VTA1: variants seen among roughly 807,000 people sequenced by gnomAD.
VTA1 encodes vesicle trafficking 1.
In VTA1, 24 loss-of-function variants were observed where a neutral mutation model predicts 36.9. The observed-to-expected ratio is 0.65, with a 90% CI of 0.47 to 0.91. The LOEUF (loss-of-function observed/expected upper bound fraction) is 0.91. Ranked by LOEUF, VTA1 falls within the 40% of genes least tolerant of loss-of-function variation. VTA1 has a pLI of 0.00. For synonymous variants in VTA1, 142 were observed against 130.2 expected (o/e 1.09, Z -0.62); for missense variants, 393 against 377.2 (o/e 1.04, Z -0.35).
At chr6:142,177,318 A>G (rs1302461282) in intron 4 of VTA1, among the ~76,000 whole-genome samples, 1 of 152,202 alleles carries the variant, frequency 6.6e-6, no homozygotes, top group East Asian at 1.9e-4. Flanking sequence ...GGGCCTCCAA[A>G]TTCTGTCACT....
chr6:142,206,042 A>C (rs1305531334), intron 7 of VTA1, among the ~76,000 whole-genome samples: 3 of 152,208 alleles, frequency 2.0e-5, no homozygotes, highest in African/African-American at 7.2e-5. Context: ...TTTTAACATC[A>C]TACTGAAAAT....
intron 4 of VTA1, among the ~76,000 whole-genome samples, chr6:142,173,459 CG>C (rs1189251944): frequency 6.6e-6 from 1 of 152,100 alleles, no homozygotes; most frequent in African/African-American, 2.4e-5. Flanking sequence ...TTAGTAGAGA[CG>C]GGGTTTCACT....
intron 5 of VTA1, among the ~76,000 whole-genome samples, chr6:142,189,788 G>A (rs986317832): frequency 7.9e-5 from 12 of 151,166 alleles, no homozygotes; most frequent in African/African-American, 2.7e-4. Context: ...ACATAGTCTC[G>A]CTCTGTCGCC....
In VTA1 at chr6:142,164,772, A is replaced by G. The variant is rs554477235; in HGVS notation, c.113-1456A>G. ...ATGGAAACTTAATATATTATAATGA[A>G]TGATAAAAATGACATTTAAATCAGT... is the stretch of plus-strand genomic sequence containing the variant. On this transcript the variant is annotated intron_variant, in intron 1 of 7. Coordinates refer to ENST00000367630, the MANE Select transcript of VTA1 (RefSeq NM_016485.5). Among the ~76,000 whole-genome samples, 3 of 152,306 alleles carry G rather than the reference A, an allele frequency of 2.0e-5. No homozygotes were observed. In the South Asian group the frequency reaches 6.2e-4, roughly 32 times the overall value.
In VTA1 at chr6:142,147,271, G is replaced by T. The variant is rs1395813253; in HGVS notation, c.-17G>T. On this transcript the variant is annotated 5_prime_UTR_variant, in exon 1 of 8. Transcript: ENST00000367630. ...GCCGGTGGAGCGCGAGTAGGAAGTG[G>T]TGAGTTCGGAGTAGAGATGGCCGCG... 6 of 1,613,916 alleles carry T rather than the reference G, an allele frequency of 3.7e-6. No homozygotes were observed. Among genetic ancestry groups the T allele is most frequent in the Admixed American group, 1.7e-5 (1 of 60,030 alleles).
chr6:142,218,830 T>G lies in VTA1; in HGVS notation c.*187T>G, dbSNP rs986587058. 1 of 603,460 alleles carries G rather than the reference T, an allele frequency of 1.7e-6. No homozygotes were observed. Among genetic ancestry groups the G allele is most frequent in the Non-Finnish European group, 2.7e-6 (1 of 376,642 alleles). 37.4% of individuals were successfully genotyped at this position (603,460 alleles called of 1,614,324 possible). Reference sequence around the variant, plus strand: ...AGCCTCAACCAGTTTTCATTGTCCATTTACTAGATTCAATCGTCTCTGAGT... The same window carrying G: ...AGCCTCAACCAGTTTTCATTGTCCAGTTACTAGATTCAATCGTCTCTGAGT... On this transcript the variant is annotated 3_prime_UTR_variant, in exon 8 of 8. Coordinates refer to ENST00000367630, the MANE Select transcript of VTA1 (RefSeq NM_016485.5).
rs776582847 is a variant in VTA1, at chr6:142,147,284, A to G, written c.-4A>G. 9.3e-6 allele frequency: 15 copies of G among 1,614,170 alleles called. No individual in the cohort carries two copies. In the South Asian group the frequency reaches 1.6e-4, roughly 18 times the overall value. ...GAGTAGGAAGTGGTGAGTTCGGAGTAGAGATGGCCGCGCTTGCACCGCTGC... is the reference window on the plus strand; with the variant it reads ...GAGTAGGAAGTGGTGAGTTCGGAGTGGAGATGGCCGCGCTTGCACCGCTGC... On this transcript the variant is annotated 5_prime_UTR_variant, in exon 1 of 8. Coordinates refer to ENST00000367630, the MANE Select transcript of VTA1 (RefSeq NM_016485.5).
intron 7 of VTA1, among the ~76,000 whole-genome samples, chr6:142,218,237 G>C (rs1266983715): frequency 6.6e-6 from 1 of 152,072 alleles, no homozygotes; most frequent in South Asian, 2.1e-4. Flanking sequence ...TGCTATCCTT[G>C]TTTGTCCTTA....
At chr6:142,171,064 A>G (rs1775021617) in intron 4 of VTA1, among the ~76,000 whole-genome samples, 1 of 151,886 alleles carries the variant, frequency 6.6e-6, no homozygotes, top group South Asian at 2.1e-4. Flanking sequence ...TTAAGTTTTT[A>G]CACTGTAATT....
intron 4 of VTA1, among the ~76,000 whole-genome samples, chr6:142,188,845 A>T (rs554686149): frequency 1.3e-5 from 2 of 152,208 alleles, no homozygotes; most frequent in Non-Finnish European, 2.9e-5. Flanking sequence ...CAGGTTCTTC[A>T]TGATCTTTTC....
intron 7 of VTA1, among the ~76,000 whole-genome samples, chr6:142,204,785 C>T (rs553161574): frequency 4.6e-5 from 7 of 152,010 alleles, no homozygotes; most frequent in Middle Eastern, 3.4e-3. Flanking sequence ...AGTGCAGTGG[C>T]GCAATCTCAG....
At chr6:142,175,524 A>C (rs1775105074) in intron 4 of VTA1, among the ~76,000 whole-genome samples, 1 of 151,952 alleles carries the variant, frequency 6.6e-6, no homozygotes, top group African/African-American at 2.4e-5. Flanking sequence ...TAGAGTTCTA[A>C]CTTTATAAAT....
intron 7 of VTA1, among the ~76,000 whole-genome samples, chr6:142,207,679 G>A (rs113066128): frequency 0.013 from 2,019 of 152,090 alleles, 52 homozygotes; most frequent in African/African-American, 0.046. Context: ...ACCAAAACAA[G>A]CTGGACAGAG....
intron 2 of VTA1, among the ~76,000 whole-genome samples, chr6:142,169,028 C>CA (rs1212263984): frequency 1.3e-5 from 2 of 152,030 alleles, no homozygotes; most frequent in Non-Finnish European, 2.9e-5. Context: ...CTCAGCCTCT[C>CA]AAAGTACTGG....
chr6:142,168,740 C>CATCATTATT (rs750613222), intron 2 of VTA1, among the ~76,000 whole-genome samples: 4 of 140,808 alleles, frequency 2.8e-5, no homozygotes, highest in African/African-American at 1.0e-4. Flanking sequence ...TGAGAGATAT[C>CATCATTATT]ATTATTATTA....
chr6:142,168,127 A>G (rs1322269663), intron 2 of VTA1, among the ~76,000 whole-genome samples: 2 of 152,290 alleles, frequency 1.3e-5, no homozygotes, highest in African/African-American at 2.4e-5. Context: ...CTTCAAGTAT[A>G]TTATGTTTTT....
chr6:142,184,439 C>G (rs1775301854), intron 4 of VTA1, among the ~76,000 whole-genome samples: 1 of 152,158 alleles, frequency 6.6e-6, no homozygotes, highest in Non-Finnish European at 1.5e-5. Context: ...TTAGGGATGT[C>G]AGTTATTGCG....
intron 4 of VTA1, among the ~76,000 whole-genome samples, chr6:142,181,094 A>AAAAAAAATATATATATAT (rs1471429927): frequency 1.4e-4 from 5 of 36,442 alleles, no homozygotes; most frequent in East Asian, 7.6e-4. Context: ...AAAAAAAAAA[A>AAAAAAAATATATATATAT]ATATATATAT....
chr6:142,165,256 G>A (rs767460102), intron 1 of VTA1, among the ~76,000 whole-genome samples: 1 of 152,136 alleles, frequency 6.6e-6, no homozygotes, highest in African/African-American at 2.4e-5. Flanking sequence ...GCTTGTATAT[G>A]TTGCGGATAC....
Sources: gnomAD v4.1 joint callset for allele counts (sites outside exome capture counted in the v4.1 genomes callset) on GRCh38, gnomAD v4.1.1 for gene constraint, MANE v1.5 for transcripts, NCBI Gene and HGNC (gene_info 2026-07-23, HGNC 2026-07-21) for gene names.